Variants in BTBD7 observed in about 807,000 individuals in gnomAD.
BTBD7 encodes the protein BTB domain containing 7.
A neutral mutation model predicts 99.9 loss-of-function variants in BTBD7; 38 were observed. The observed-to-expected ratio is 0.38, with a 90% CI of 0.29 to 0.50. BTBD7 has a LOEUF of 0.50. Ranked by LOEUF, BTBD7 falls within the 20% of genes least tolerant of loss-of-function variation. The pLI, the probability that BTBD7 is intolerant of heterozygous loss-of-function variation, is 0.93. For synonymous variants in BTBD7, 520 were observed against 511.4 expected (o/e 1.02, Z -0.23); for missense variants, 1,170 against 1,394.6 (o/e 0.84, Z 2.57).
At chr14:93,268,368 G>A (rs541731025) in intron 3 of BTBD7, among the ~76,000 whole-genome samples, 4 of 152,100 alleles carry the variant, frequency 2.6e-5, no homozygotes, top group Non-Finnish European at 4.4e-5. Flanking sequence ...ATATATATTT[G>A]TCTGACTCTT....
At chr14:93,287,332 CCCGT>C (rs1447177340) in intron 3 of BTBD7, among the ~76,000 whole-genome samples, 2 of 137,146 alleles carry the variant, frequency 1.5e-5, no homozygotes. Context: ...GCCCCCCCAC[CCCGT>C]CCTACATCCC....
intron 1 of BTBD7, among the ~76,000 whole-genome samples, chr14:93,308,026 G>A (rs111969121): frequency 9.9e-5 from 15 of 152,264 alleles, no homozygotes; most frequent in African/African-American, 3.1e-4. Context: ...CGGGCACGGT[G>A]GCTCAATCCT....
In BTBD7 at chr14:93,237,619, T is replaced by C. The variant is rs1222592717; in HGVS notation, c.*4654A>G. 1 of 152,606 alleles carries C rather than the reference T, an allele frequency of 6.6e-6. No homozygotes were observed. Among genetic ancestry groups the C allele is most frequent in the Non-Finnish European group, 1.5e-5 (1 of 68,038 alleles). 9.5% of individuals were successfully genotyped at this position (152,606 alleles called of 1,614,324 possible). The stretch of plus-strand genomic sequence containing the variant: ...AAAGTCAGTGTTACATGCTTATCAG[T>C]AACAGTAGAAAAATAGAAGCAGTGA... On this transcript the variant is annotated 3_prime_UTR_variant, in exon 11 of 11. Transcript: ENST00000334746.
chr14:93,329,033 T>A (rs566977122), intron 1 of BTBD7, among the ~76,000 whole-genome samples: 121 of 152,222 alleles, frequency 7.9e-4, no homozygotes, highest in Non-Finnish European at 1.1e-3. Context: ...GTAAGCTGGA[T>A]TTCATCAAAA....
At chr14:93,298,685 C>T (rs2052958097) in intron 1 of BTBD7, among the ~76,000 whole-genome samples, 1 of 151,788 alleles carries the variant, frequency 6.6e-6, no homozygotes, top group Non-Finnish European at 1.5e-5. Context: ...GTCAAAAATC[C>T]CTTTTTTTAA....
intron 10 of BTBD7, 100 bp downstream of exon 10, chr14:93,245,725 T>C: frequency 5.3e-6 from 8 of 1,514,030 alleles, no homozygotes; most frequent in Admixed American, 2.1e-5. Flanking sequence ...GCAATACTTC[T>C]GGGCACTGCT....
chr14:93,323,561 G>A (rs2053293780), intron 1 of BTBD7, among the ~76,000 whole-genome samples: 1 of 152,198 alleles, frequency 6.6e-6, no homozygotes, highest in South Asian at 2.1e-4. Context: ...CTGAAGACAA[G>A]AATAGGTCTC....
At chr14:93,327,537 A>T (rs557135224) in intron 1 of BTBD7, among the ~76,000 whole-genome samples, 1 of 152,334 alleles carries the variant, frequency 6.6e-6, no homozygotes, top group East Asian at 1.9e-4. Flanking sequence ...TCACCAGGCT[A>T]GAAATTCTTT....
chr14:93,268,600 C>T (rs2052567472), intron 3 of BTBD7, among the ~76,000 whole-genome samples: 1 of 152,026 alleles, frequency 6.6e-6, no homozygotes, highest in African/African-American at 2.4e-5. Context: ...CTATTATTAT[C>T]ATCCCCATTT....
intron 1 of BTBD7, among the ~76,000 whole-genome samples, chr14:93,314,113 C>T (rs1169583557): frequency 6.6e-6 from 1 of 152,024 alleles, no homozygotes; most frequent in African/African-American, 2.4e-5. Flanking sequence ...AAAATATCTG[C>T]TATAAATGCA....
Position 93,240,642 on chromosome 14 carries a change from GT to G in BTBD7, c.*1630del, listed in dbSNP as rs2052215016. ...TTTCTTCTAAGTGCTACGGCTGTGTGTTTATGTGTTTGTAAAAATACAAAGT... is the reference window on the plus strand; with the variant it reads ...TTTCTTCTAAGTGCTACGGCTGTGTGTTATGTGTTTGTAAAAATACAAAGT... On this transcript the variant is annotated 3_prime_UTR_variant, in exon 11 of 11. Coordinates refer to ENST00000334746, the MANE Select transcript of BTBD7 (RefSeq NM_001002860.4). 6.6e-6 allele frequency: 1 copy of G among 152,580 alleles called. No individual in the cohort carries two copies. Among genetic ancestry groups the G allele is most frequent in the South Asian group, 2.1e-4 (1 of 4,826 alleles). 9.5% of individuals were successfully genotyped at this position (152,580 alleles called of 1,614,324 possible).
rs2052515680 is a variant in BTBD7 at position 93,263,910 on chromosome 14, T to A, written c.1246A>T (p.Lys416Ter). The change falls in exon 4 of 11, where the codon AAA becomes TAA. Residue 416 changes from lysine (K) to a stop codon, truncating the protein, a stop_gained. Transcript: ENST00000334746. LOFTEE classifies it high-confidence loss of function. Reference sequence around the variant, plus strand: ...TGTAAAGCTTGTCGGTGCACCCATTTAGAGCCATATGGATGAGAACTCCAC... The same window carrying A: ...TGTAAAGCTTGTCGGTGCACCCATTAAGAGCCATATGGATGAGAACTCCAC... Reference protein sequence around the residue: ...LKWSSHPYGSKWVHRQALHFL... With the variant: ...LKWSSHPYGS The A allele has an allele frequency of 1.2e-6, 2 of 1,614,080 alleles. No homozygotes were observed. Among genetic ancestry groups the A allele is most frequent in the Non-Finnish European group, 1.7e-6 (2 of 1,180,020 alleles).
chr14:93,288,198 T>C (rs566411138), intron 3 of BTBD7: 3 of 300,868 alleles, frequency 1.0e-5, no homozygotes, highest in Admixed American at 9.7e-5. Flanking sequence ...ATTCCTTTAG[T>C]TTTGGAAATA....
rs547526502 is a variant in BTBD7 at position 93,260,141 on chromosome 14, C to CTT, written c.1447+1459_1447+1460dup. ...ATATTAAAGAAACACTATAAAAAGG[C>CTT]TTAAAGGCAGGTTTAGCACAACATT... On this transcript the variant is annotated intron_variant, in intron 5 of 10. Coordinates refer to ENST00000334746, the MANE Select transcript of BTBD7 (RefSeq NM_001002860.4). Among the ~76,000 whole-genome samples the CTT allele has an allele frequency of 8.3e-4, 126 of 152,178 alleles. 7 individuals are homozygous for CTT. In the South Asian group the frequency reaches 0.025, roughly 30 times the overall value.
intron 1 of BTBD7, among the ~76,000 whole-genome samples, chr14:93,321,121 T>C (rs1251945813): frequency 6.6e-6 from 1 of 152,196 alleles, no homozygotes; most frequent in African/African-American, 2.4e-5. Flanking sequence ...TAAGTAGGCA[T>C]GAAAACATTA....
At chr14:93,324,957 C>G (rs1344944495) in intron 1 of BTBD7, among the ~76,000 whole-genome samples, 1 of 152,122 alleles carries the variant, frequency 6.6e-6, no homozygotes, top group Admixed American at 6.6e-5. Context: ...TAAACACACA[C>G]AAGACAGAGG....
chr14:93,261,080 G>A (rs1420542753), intron 5 of BTBD7, among the ~76,000 whole-genome samples: 3 of 150,960 alleles, frequency 2.0e-5, no homozygotes, highest in South Asian at 4.2e-4. Context: ...TAGTAGAGGC[G>A]GGATTCTGCC....
intron 1 of BTBD7, among the ~76,000 whole-genome samples, chr14:93,304,741 G>A (rs1476559126): frequency 6.6e-6 from 1 of 152,170 alleles, no homozygotes; most frequent in East Asian, 1.9e-4. Context: ...GGGAAAAAAT[G>A]CAATTTCTCC....
chr14:93,325,239 A>ACC (rs2053316853), intron 1 of BTBD7, among the ~76,000 whole-genome samples: 1 of 149,134 alleles, frequency 6.7e-6, no homozygotes, highest in African/African-American at 2.5e-5. Context: ...TCAGCCTCCC[A>ACC]AGTAGCTGGG....
Sources: allele counts gnomAD v4.1 joint callset (sites outside exome capture counted in the v4.1 genomes callset), GRCh38; gene constraint gnomAD v4.1.1; transcripts MANE v1.5; gene names NCBI Gene and HGNC (gene_info 2026-07-23, HGNC 2026-07-21).